The following RAMP1 variants were observed in gnomAD, a reference collection of about 807,000 sequenced individuals.
The protein encoded by RAMP1 is receptor activity modifying protein 1.
In RAMP1, 7 loss-of-function variants were observed where a neutral mutation model predicts 8.2. That is an observed-to-expected ratio of 0.85 (90% CI 0.49 to 1.60). The LOEUF is 1.60. RAMP1 is among the 40% of genes most tolerant of loss of function. The pLI, the probability that RAMP1 is intolerant of heterozygous loss-of-function variation, is 0.00. For synonymous variants in RAMP1, 92 were observed against 84.7 expected, an observed-to-expected ratio of 1.09 and a Z score of -0.47; for missense variants, 192 against 202.4, an observed-to-expected ratio of 0.95 and a Z score of 0.31.
chr2:237,905,102 C>T (rs1220452466), intron 2 of RAMP1, among the ~76,000 whole-genome samples: 1 of 152,118 alleles, frequency 6.6e-6, no homozygotes, highest in Non-Finnish European at 1.5e-5. Flanking sequence ...AAGTTTGCTT[C>T]GAGCCCCAGA....
chr2:237,883,493 G>A (rs970122958), intron 2 of RAMP1, among the ~76,000 whole-genome samples: 1 of 152,150 alleles, frequency 6.6e-6, no homozygotes, highest in East Asian at 1.9e-4. Context: ...CTTTACTCAG[G>A]ACGTTGAATA....
At chr2:237,898,259 A>G (rs772276912) in intron 2 of RAMP1, among the ~76,000 whole-genome samples, 14 of 152,240 alleles carry the variant, frequency 9.2e-5, no homozygotes, top group Non-Finnish European at 1.3e-4. Context: ...ATTCATTTGC[A>G]TGCAGTGATG....
At chr2:237,895,287 G>A (rs1240326683) in intron 2 of RAMP1, among the ~76,000 whole-genome samples, 2 of 152,150 alleles carry the variant, frequency 1.3e-5, no homozygotes, top group Non-Finnish European at 2.9e-5. Flanking sequence ...CCTGTGGGGG[G>A]GTCATGGGCT....
chr2:237,891,998 A>G (rs2062492254), intron 2 of RAMP1, among the ~76,000 whole-genome samples: 3 of 152,156 alleles, frequency 2.0e-5, no homozygotes, highest in African/African-American at 4.8e-5. Flanking sequence ...TTTGCTATAT[A>G]TTAACATTGG....
chr2:237,860,700 G>A (rs1168082793), intron 1 of RAMP1, among the ~76,000 whole-genome samples: 2 of 152,136 alleles, frequency 1.3e-5, no homozygotes, highest in Non-Finnish European at 2.9e-5. Context: ...GCCTTTCCCC[G>A]GAAACAGTGA....
At chr2:237,867,347 T>A (rs1428706301) in intron 1 of RAMP1, among the ~76,000 whole-genome samples, 1 of 152,148 alleles carries the variant, frequency 6.6e-6, no homozygotes, top group Non-Finnish European at 1.5e-5. Flanking sequence ...TTGGTCTTGC[T>A]GTCTCAGTGG....
In RAMP1 at chr2:237,911,818, T is replaced by G; in HGVS notation, c.*35T>G. 6.4e-7 allele frequency: 1 copy of G among 1,560,354 alleles called. No homozygotes were observed. Among genetic ancestry groups the G allele is most frequent in the South Asian group, 1.2e-5 (1 of 85,840 alleles). On this transcript the variant is annotated 3_prime_UTR_variant, in exon 3 of 3. Transcript: ENST00000254661. ...AGGCTGCCCGCGGGTGCACCCAGGC[T>G]GCAGGGTGAGGCCAGGCAGGCCTGG...
rs2062334008 is a variant in RAMP1, at chr2:237,878,614, T to C, written c.191+1252T>C. 1.3e-5 allele frequency among the ~76,000 whole-genome samples: 2 copies of C among 152,354 alleles called. No homozygotes were observed. Among genetic ancestry groups the C allele is most frequent in the South Asian group, 4.1e-4 (2 of 4,830 alleles). ...CCTGCCCTCTTCAGTCCTACTGAGA[T>C]TGGCAGATGAGTGGCCTCTGTTTTC... On this transcript the variant is annotated intron_variant, in intron 2 of 2. Transcript: ENST00000254661. This position sits in a 1 kb window ranked among gnomAD's most constrained non-coding sequence, Gnocchi z 5.7.
intron 1 of RAMP1, among the ~76,000 whole-genome samples, chr2:237,876,777 C>T (rs1423162855): frequency 6.6e-6 from 1 of 152,176 alleles, no homozygotes; most frequent in East Asian, 1.9e-4. Context: ...GAGCACAGTT[C>T]ATGCTTCCGT....
chr2:237,862,674 GCCTGCCAGTGCC>G lies in RAMP1; in HGVS notation c.52+2962_52+2973del, dbSNP rs1019093913. 7.9e-5 allele frequency among the ~76,000 whole-genome samples: 12 copies of G among 152,302 alleles called. No individual in the cohort carries two copies. Among genetic ancestry groups the G allele is most frequent in the East Asian group, 3.9e-4 (2 of 5,186 alleles). On this transcript the variant is annotated intron_variant, in intron 1 of 2. Coordinates refer to ENST00000254661, the MANE Select transcript of RAMP1 (RefSeq NM_005855.4). The surrounding 1 kb of genome is among the most constrained non-coding windows in gnomAD (Gnocchi z 4.0). The stretch of plus-strand genomic sequence containing the variant: ...CCAGAGAGTGAAGCCCCTCGGGCTT[GCCTGCCAGTGCC>G]CCTGCCAGTGCCCCCACCCCCAACT...
chr2:237,874,662 A>G, intron 1 of RAMP1: 1 of 985,258 alleles, frequency 1.0e-6, no homozygotes, highest in Non-Finnish European at 1.2e-6. Context: ...AGCCTGAGGC[A>G]CGCTTGCTTC....
chr2:237,909,204 G>A (rs981296512), intron 2 of RAMP1, among the ~76,000 whole-genome samples: 7 of 152,310 alleles, frequency 4.6e-5, no homozygotes, highest in Admixed American at 2.0e-4. Context: ...CACCGAGGGC[G>A]AGGGACAGTG....
At chr2:237,906,983 A>G (rs1478676278) in intron 2 of RAMP1, among the ~76,000 whole-genome samples, 1 of 152,152 alleles carries the variant, frequency 6.6e-6, no homozygotes, top group African/African-American at 2.4e-5. Context: ...TTGGCCTCCC[A>G]AAGTGCTGGA....
chr2:237,881,556 C>T (rs949096835), intron 2 of RAMP1, among the ~76,000 whole-genome samples: 1 of 152,226 alleles, frequency 6.6e-6, no homozygotes, highest in Non-Finnish European at 1.5e-5. Context: ...ATGGGGTGCC[C>T]GTTTCCCCAG....
chr2:237,874,503 G>C (rs1345149941), intron 1 of RAMP1: 1 of 252,702 alleles, frequency 4.0e-6, no homozygotes, highest in East Asian at 1.8e-4. Flanking sequence ...GCCCCAGTTG[G>C]TTTCTGTTGC....
In RAMP1 at chr2:237,877,170, A is replaced by G. The variant is rs1576540107; in HGVS notation, c.53-54A>G. Reference sequence around the variant, plus strand: ...CAGGGGCGCGCGGGCTGGCGGTGATACCCCTAGGCCTCTGCTGCCGCCCGC... The same window carrying G: ...CAGGGGCGCGCGGGCTGGCGGTGATGCCCCTAGGCCTCTGCTGCCGCCCGC... On this transcript the variant is annotated intron_variant, in intron 1 of 2. Transcript: ENST00000254661. The surrounding 1 kb of genome is among the most constrained non-coding windows in gnomAD (Gnocchi z 4.4). 14 of 1,609,650 alleles carry G rather than the reference A, an allele frequency of 8.7e-6. No homozygotes were observed. The highest frequency in any genetic ancestry group is 1.2e-5 in the Non-Finnish European group (14 of 1,179,542).
intron 2 of RAMP1, among the ~76,000 whole-genome samples, chr2:237,890,555 C>A (rs1232262687): frequency 1.3e-5 from 2 of 152,192 alleles, no homozygotes; most frequent in Admixed American, 6.5e-5. Context: ...TGAATGAATT[C>A]ATCACTAACA....
chr2:237,891,893 C>T (rs539413790), intron 2 of RAMP1, among the ~76,000 whole-genome samples: 1 of 152,194 alleles, frequency 6.6e-6, no homozygotes, highest in Non-Finnish European at 1.5e-5. Flanking sequence ...GTCTTTATGG[C>T]ATTTAGATTC....
intron 2 of RAMP1, among the ~76,000 whole-genome samples, chr2:237,905,367 T>C (rs1036816469): frequency 6.6e-6 from 1 of 152,210 alleles, no homozygotes; most frequent in Non-Finnish European, 1.5e-5. Flanking sequence ...GGCAGCCGAC[T>C]GCACATTAGA....
Sources: allele counts gnomAD v4.1 joint callset (sites outside exome capture counted in the v4.1 genomes callset), GRCh38; gene constraint gnomAD v4.1.1; non-coding constraint Gnocchi (gnomAD v3.1); transcripts MANE v1.5; gene names NCBI Gene and HGNC (gene_info 2026-07-23, HGNC 2026-07-21).